The following SRGAP2 variants were observed in gnomAD, a reference collection of about 807,000 sequenced individuals.
SRGAP2 encodes SLIT-ROBO Rho GTPase-activating protein 2.
In SRGAP2, 15 loss-of-function variants were observed where a neutral mutation model predicts 57.2. The ratio of observed to expected loss-of-function variants is 0.26; its 90% CI spans 0.18 to 0.40. The LOEUF (loss-of-function observed/expected upper bound fraction) is 0.40, where lower values mean the gene tolerates loss of function less well. Ranked by LOEUF, SRGAP2 falls within the 10% of genes least tolerant of loss-of-function variation. SRGAP2 has a pLI of 1.00. For synonymous variants in SRGAP2, 249 were observed against 248.0 expected, an observed-to-expected ratio of 1.00 and a Z score of -0.04; for missense variants, 520 against 669.6, an observed-to-expected ratio of 0.78 and a Z score of 2.47.
rs1664262803 is a variant in SRGAP2, at chr1:206,461,474, TA to T, written c.*58del. The T allele has an allele frequency of 7.5e-6, 5 of 669,616 alleles. No homozygotes were observed. The South Asian group carries it at 8.8e-5, about 12-fold the overall frequency. 41.5% of individuals were successfully genotyped at this position (669,616 alleles called of 1,614,324 possible). A position where few individuals can be genotyped will look rare whatever the true frequency, so the allele number is the denominator to read the frequency against. On this transcript the variant is annotated 3_prime_UTR_variant, in exon 23 of 23. Coordinates refer to ENST00000573034, the MANE Select transcript of SRGAP2 (RefSeq NM_015326.5). ...GGGGACTATAGGGACTGACTGTTAT[TA>T]AAATCTTCCTATTTAACTAGCTTGG... is the stretch of plus-strand genomic sequence containing the variant.
At chr1:206,284,439 T>TTTGTTGTTTGTTTGTTTGTTTGTTTCTTG (rs1670904547) in intron 2 of SRGAP2, among the ~76,000 whole-genome samples, 4 of 150,772 alleles carry the variant, frequency 2.7e-5, no homozygotes, top group Non-Finnish European at 5.9e-5. Flanking sequence ...GGTTTTTTTG[T>TTTGTTGTTTGTTTGTTTGTTTGTTTCTTG]TTGTTCGTTT....
chr1:206,366,421 G>A (rs1654018394), intron 4 of SRGAP2, among the ~76,000 whole-genome samples: 2 of 152,194 alleles, frequency 1.3e-5, no homozygotes, highest in South Asian at 4.1e-4. Flanking sequence ...CGCCTGTGGA[G>A]AATGAATGTT....
chr1:206,419,807 ATTTTT>A (rs11404999), intron 12 of SRGAP2, among the ~76,000 whole-genome samples: 5 of 143,142 alleles, frequency 3.5e-5, no homozygotes, highest in African/African-American at 1.3e-4. Context: ...ATGGCATTTG[ATTTTT>A]TTTTTTTTTT....
intron 6 of SRGAP2, among the ~76,000 whole-genome samples, chr1:206,393,334 C>G (rs1657200400): frequency 9.1e-6 from 1 of 110,326 alleles, no homozygotes; most frequent in Non-Finnish European, 1.9e-5. Context: ...GGGCACGCAT[C>G]TTAAGTAGGG....
intron 4 of SRGAP2, among the ~76,000 whole-genome samples, chr1:206,367,978 G>A (rs1654189054): frequency 6.6e-6 from 1 of 152,042 alleles, no homozygotes; most frequent in Admixed American, 6.6e-5. Flanking sequence ...ACAGCGTATG[G>A]CCACTTATTG....
intron 3 of SRGAP2, among the ~76,000 whole-genome samples, chr1:206,328,347 G>A: frequency 8.9e-6 from 1 of 111,792 alleles, no homozygotes; most frequent in African/African-American, 4.2e-5. Flanking sequence ...TGGGTCAAAT[G>A]GTATTTCTAG....
chr1:206,275,874 C>T (rs1670384265), intron 2 of SRGAP2, among the ~76,000 whole-genome samples: 1 of 152,014 alleles, frequency 6.6e-6, no homozygotes, highest in Admixed American at 6.5e-5. Flanking sequence ...CTGGGCCTCC[C>T]AAAGTGCTGG....
intron 2 of SRGAP2, 27 bp downstream of exon 2, chr1:206,206,064 G>A: frequency 6.5e-7 from 1 of 1,548,184 alleles, no homozygotes; most frequent in Non-Finnish European, 8.7e-7. Flanking sequence ...ATAGCACACT[G>A]CAAATGCTCT....
intron 3 of SRGAP2, among the ~76,000 whole-genome samples, chr1:206,327,048 C>T (rs1329762977): frequency 1.2e-4 from 18 of 151,978 alleles, no homozygotes; most frequent in African/African-American, 2.7e-4. Flanking sequence ...AAGTATGGGC[C>T]GGGTGCGGTG....
At chr1:206,436,771 A>G (rs985468146) in intron 14 of SRGAP2, among the ~76,000 whole-genome samples, 194 bp from the exon 15 acceptor site, 6 of 152,220 alleles carry the variant, frequency 3.9e-5, no homozygotes, top group African/African-American at 7.2e-5. Context: ...CTTTCTAGTG[A>G]AAATGAATGC....
chr1:206,425,273 A>G (rs1660696292), intron 13 of SRGAP2, among the ~76,000 whole-genome samples: 1 of 152,238 alleles, frequency 6.6e-6, no homozygotes, highest in African/African-American at 2.4e-5. Context: ...GTACACACTT[A>G]TGGGGTACAT....
In SRGAP2 at chr1:206,415,164, G is replaced by T. The variant is rs565237378; in HGVS notation, c.1357-725G>T. 6.6e-5 allele frequency among the ~76,000 whole-genome samples: 10 copies of T among 152,300 alleles called. No homozygotes were observed. The South Asian group carries it at 8.3e-4, about 13-fold the overall frequency. ...TTCAGTGAATTGTCTGGGGACATAC[G>T]GTCTCTCACTGGGCAGACGAGGGTT... On this transcript the variant is annotated intron_variant, in intron 10 of 22. Transcript: ENST00000573034.
At chr1:206,204,907 G>GCCT (rs1407331430) in intron 1 of SRGAP2, 1 of 95,136 alleles carries the variant, frequency 1.1e-5, no homozygotes, top group South Asian at 3.9e-4. Flanking sequence ...CTGCAGATTT[G>GCCT]CCCCCCCCCC....
chr1:206,446,642 C>T (rs1553373925), intron 18 of SRGAP2, among the ~76,000 whole-genome samples: 1 of 152,236 alleles, frequency 6.6e-6, no homozygotes. Flanking sequence ...TCTTGGGCTT[C>T]TACTCTGTGC....
intron 3 of SRGAP2, among the ~76,000 whole-genome samples, chr1:206,303,914 A>ACT (rs1672031019): frequency 6.8e-6 from 1 of 146,780 alleles, no homozygotes; most frequent in Non-Finnish European, 1.5e-5. Context: ...ACACACACAC[A>ACT]CACACTCACA....
intron 3 of SRGAP2, among the ~76,000 whole-genome samples, chr1:206,341,396 A>C (rs1301060648): frequency 6.6e-6 from 1 of 152,154 alleles, no homozygotes; most frequent in Non-Finnish European, 1.5e-5. Flanking sequence ...GAATTCTGGA[A>C]TTGCCACTTT....
chr1:206,357,645 G>A (rs1253767065), intron 4 of SRGAP2, among the ~76,000 whole-genome samples: 27 of 145,782 alleles, frequency 1.9e-4, no homozygotes, highest in South Asian at 2.2e-4. Flanking sequence ...GTACAGTGGC[G>A]TGATCTTGGC....
intron 2 of SRGAP2, among the ~76,000 whole-genome samples, chr1:206,277,983 A>T (rs1382880223): frequency 6.6e-6 from 1 of 151,928 alleles, no homozygotes; most frequent in Non-Finnish European, 1.5e-5. Flanking sequence ...TCTCAAAAAA[A>T]AAAAAAGAGA....
intron 13 of SRGAP2, among the ~76,000 whole-genome samples, chr1:206,422,825 G>A (rs1285168894): frequency 2.6e-5 from 4 of 152,316 alleles, no homozygotes; most frequent in Middle Eastern, 3.4e-3. Context: ...CTAGATTTGC[G>A]TAGGAGTTAC....
Sources: gnomAD v4.1 joint callset for allele counts (sites outside exome capture counted in the v4.1 genomes callset) on GRCh38, gnomAD v4.1.1 for gene constraint, MANE v1.5 for transcripts, NCBI Gene and HGNC (gene_info 2026-07-23, HGNC 2026-07-21) for gene names.